The following SLC26A5 variants were observed in gnomAD, a reference collection of about 807,000 sequenced individuals.
SLC26A5 encodes the protein prestin.
SLC26A5 carries 51 observed loss-of-function variants against 81.0 expected under a neutral mutation model. The ratio of observed to expected loss-of-function variants is 0.63; its 90% CI spans 0.50 to 0.80. SLC26A5 has a LOEUF of 0.80. Ranked by LOEUF, SLC26A5 falls within the 30% of genes least tolerant of loss-of-function variation. The probability of loss-of-function intolerance (pLI) is 0.00; values close to 1 mark genes in which losing one functional copy is unlikely to be tolerated. For synonymous variants in SLC26A5, 325 were observed against 332.8 expected, an observed-to-expected ratio of 0.98 and a Z score of 0.25; for missense variants, 771 against 905.8, an observed-to-expected ratio of 0.85 and a Z score of 1.91.
At chr7:103,405,016 T>C (rs1357254537) in intron 8 of SLC26A5, among the ~76,000 whole-genome samples, 1 of 152,178 alleles carries the variant, frequency 6.6e-6, no homozygotes, top group African/African-American at 2.4e-5. Context: ...TCTTGTGCTG[T>C]GTTTTTCAGC....
intron 4 of SLC26A5, among the ~76,000 whole-genome samples, chr7:103,415,612 G>C (rs937065496): frequency 6.6e-6 from 1 of 152,120 alleles, no homozygotes; most frequent in Non-Finnish European, 1.5e-5. Flanking sequence ...GAGAAAACTC[G>C]TTCTAAATAT....
At chr7:103,358,462 A>AT (rs1820169864) in intron 19 of SLC26A5, among the ~76,000 whole-genome samples, 1 of 151,912 alleles carries the variant, frequency 6.6e-6, no homozygotes, top group African/African-American at 2.4e-5. Context: ...GGCCTCCAGG[A>AT]TTGCTCCTCT....
Position 103,400,279 on chromosome 7 carries a change from G to C in SLC26A5, c.889-2265C>G, listed in dbSNP as rs550404435. On this transcript the variant is annotated intron_variant, in intron 8 of 19. Coordinates refer to ENST00000306312, the MANE Select transcript of SLC26A5 (RefSeq NM_198999.3). ...ATCACCAGTCTAACTGGCATGAGAT[G>C]GTATCCCGTTGTGGTTTTGATTTGC... Among the ~76,000 whole-genome samples, 3 of 152,336 alleles carry C rather than the reference G, an allele frequency of 2.0e-5. 1 individual carries two copies. In the South Asian group the frequency reaches 6.2e-4, roughly 32 times the overall value.
chr7:103,434,335 T>A (rs1586393689), intron 2 of SLC26A5, among the ~76,000 whole-genome samples: 4 of 152,336 alleles, frequency 2.6e-5, no homozygotes, highest in Admixed American at 2.6e-4. Context: ...CTTATGTTAA[T>A]CTTAAACGAC....
At chr7:103,425,783 T>G (rs1225887740) in intron 2 of SLC26A5, among the ~76,000 whole-genome samples, 1 of 152,218 alleles carries the variant, frequency 6.6e-6, no homozygotes, top group African/African-American at 2.4e-5. Flanking sequence ...TTTAGGGCAT[T>G]GGTTCTCAGC....
chr7:103,389,138 A>G, intron 13 of SLC26A5, 24 bp from the exon 14 acceptor site: 1 of 1,534,212 alleles, frequency 6.5e-7, no homozygotes. Context: ...AGAAAACTTG[A>G]TGGAGAACCA....
rs1244758241 is a variant in SLC26A5 at position 103,412,542 on chromosome 7, G to GTTT, written c.403+457_403+459dup. 3.2e-3 allele frequency among the ~76,000 whole-genome samples: 391 copies of GTTT among 121,534 alleles called. 16 individuals carry two copies. The highest frequency in any genetic ancestry group is 7.4e-3 in the East Asian group (30 of 4,048). The allele number at this position is 121,534 out of a possible 152,430, so 79.7% of individuals were successfully genotyped here. ...TTCTAGAAATCTTGGGAGGAGTGTA[G>GTTT]TTTTTTTTTTGTTTTTTTTTTTTTT... On this transcript the variant is annotated intron_variant, in intron 5 of 19. Coordinates refer to ENST00000306312, the MANE Select transcript of SLC26A5 (RefSeq NM_198999.3).
At chr7:103,410,618 A>C (rs1198966002) in intron 6 of SLC26A5, 69 bp from the exon 7 acceptor site, 10 of 1,385,466 alleles carry the variant, frequency 7.2e-6, no homozygotes, top group African/African-American at 1.4e-5. Flanking sequence ...ACCCACAGCA[A>C]ATATACAAGT....
intron 1 of SLC26A5, among the ~76,000 whole-genome samples, chr7:103,444,084 T>A (rs1257431141): frequency 6.6e-6 from 1 of 152,178 alleles, no homozygotes; most frequent in Non-Finnish European, 1.5e-5. Flanking sequence ...TTTATGAAGT[T>A]GGTCCTGGAA....
chr7:103,381,187 A>G (rs1821751889), intron 14 of SLC26A5, among the ~76,000 whole-genome samples: 1 of 151,552 alleles, frequency 6.6e-6, no homozygotes, highest in Admixed American at 6.6e-5. Flanking sequence ...TGCAATACAC[A>G]CATACCATAT....
chr7:103,388,997 TG>T lies in SLC26A5; in HGVS notation c.1514+10del. The T allele has an allele frequency of 6.3e-7, 1 of 1,591,398 alleles. No individual in the cohort carries two copies. The highest frequency in any genetic ancestry group is 8.6e-7 in the Non-Finnish European group (1 of 1,159,886). On this transcript the variant is annotated intron_variant, in intron 14 of 19. Transcript: ENST00000306312. ...CGGGACATTCACACCCATTCCAATC[TG>T]GGCACTCACCTCTGTGTTCTGTAAA...
chr7:103,386,393 C>A (rs1822197586), intron 14 of SLC26A5, among the ~76,000 whole-genome samples: 1 of 152,012 alleles, frequency 6.6e-6, no homozygotes, highest in African/African-American at 2.4e-5. Context: ...CGATGAAACT[C>A]TGTCTTTACT....
intron 18 of SLC26A5, among the ~76,000 whole-genome samples, chr7:103,377,065 G>A (rs1298548925): frequency 6.6e-6 from 1 of 151,914 alleles, no homozygotes; most frequent in Non-Finnish European, 1.5e-5. Flanking sequence ...TGATAATTAG[G>A]GGTAGCAAAA....
At chr7:103,386,054 A>G (rs927598234) in intron 14 of SLC26A5, among the ~76,000 whole-genome samples, 1 of 151,604 alleles carries the variant, frequency 6.6e-6, no homozygotes, top group African/African-American at 2.4e-5. Flanking sequence ...CAGCCTCCTC[A>G]GTAGCTGGGA....
At chr7:103,354,036 T>G in intron 19 of SLC26A5, 1 of 1,147,552 alleles carries the variant, frequency 8.7e-7, no homozygotes, top group Non-Finnish European at 1.2e-6. Context: ...CCTTCCAAAA[T>G]AATTAGAAGA....
intron 8 of SLC26A5, among the ~76,000 whole-genome samples, chr7:103,401,177 CG>C (rs1459821496): frequency 1.3e-5 from 2 of 152,114 alleles, no homozygotes; most frequent in African/African-American, 2.4e-5. Context: ...ACCATTTTCA[CG>C]ATTTTGATTC....
At chr7:103,434,228 G>C (rs921152271) in intron 2 of SLC26A5, among the ~76,000 whole-genome samples, 3 of 152,106 alleles carry the variant, frequency 2.0e-5, no homozygotes, top group East Asian at 3.9e-4. Context: ...CCTCACGCTT[G>C]ATAAGTTACT....
intron 4 of SLC26A5, among the ~76,000 whole-genome samples, chr7:103,413,643 T>C (rs1202129164): frequency 6.6e-6 from 1 of 152,140 alleles, no homozygotes; most frequent in Non-Finnish European, 1.5e-5. Flanking sequence ...CAGGTACCTA[T>C]CAAATGGGCC....
rs185302141 is a variant in SLC26A5, at chr7:103,360,012, C to T, written c.2042-7086G>A. Among the ~76,000 whole-genome samples the T allele has an allele frequency of 4.0e-4, 60 of 151,002 alleles. No homozygotes were observed. The East Asian group carries it at 7.4e-3, about 19-fold the overall frequency. On this transcript the variant is annotated intron_variant, in intron 19 of 19. Coordinates refer to the SLC26A5 transcript ENST00000339444. ...AGGAGAATTGCTCGAACGTGGGAGG[C>T]GGAAGTTGCAGTGAGTCAAGATCGC...
Sources: gnomAD v4.1 joint callset for allele counts (sites outside exome capture counted in the v4.1 genomes callset) on GRCh38, gnomAD v4.1.1 for gene constraint, MANE v1.5 for transcripts, NCBI Gene and HGNC (gene_info 2026-07-23, HGNC 2026-07-21) for gene names.